Variants in MCF2 observed in about 807,000 individuals in gnomAD.
MCF2 encodes the protein MCF.2 cell line derived transforming sequence, also known as proto-oncogene DBL.
A neutral mutation model predicts 82.5 loss-of-function variants in MCF2; 44 were observed. The ratio of observed to expected loss-of-function variants is 0.53; its 90% CI spans 0.42 to 0.69. The LOEUF is 0.69. Ranked by LOEUF, MCF2 falls within the 30% of genes least tolerant of loss-of-function variation. MCF2 has a pLI of 0.00. For missense variants in MCF2, 623 were observed against 663.1 expected (o/e 0.94, Z 0.66); for synonymous variants, 217 against 224.9 (o/e 0.96, Z 0.32).
At chrX:139,588,274 C>T in intron 21 of MCF2, 86 bp downstream of exon 25, 1 of 646,847 alleles carries the variant, frequency 1.5e-6, no homozygotes, top group Non-Finnish European at 2.4e-6. Context: ...AATATCAGCC[C>T]CATTCTCTGG....
chrX:139,648,425 A>G (rs894018391), intron 2 of MCF2, among the ~76,000 whole-genome samples: 5 of 111,039 alleles, frequency 4.5e-5, no homozygotes, highest in Non-Finnish European at 3.8e-5. Context: ...ATGGAATCAC[A>G]ACAATACTCA....
chrX:139,682,847 G>C (rs905542773), intron 1 of MCF2, among the ~76,000 whole-genome samples: 5 of 112,459 alleles, frequency 4.4e-5, no homozygotes, highest in African/African-American at 1.6e-4. Context: ...CCTTGGGAGA[G>C]ATCAGGTTGA....
At chrX:139,585,847 T>G (rs1928903138) in intron 23 of MCF2, among the ~76,000 whole-genome samples, 1 of 112,503 alleles carries the variant, frequency 8.9e-6, no homozygotes, top group Non-Finnish European at 1.9e-5. Flanking sequence ...CAATATTTGT[T>G]GAATTAAATA....
chrX:139,691,893 G>A (rs986731769), intron 1 of MCF2: 1 of 1,147,013 alleles, frequency 8.7e-7, no homozygotes, highest in Non-Finnish European at 1.2e-6. Context: ...CGCCGGGGAG[G>A]AGATGAGAGG....
chrX:139,699,927 T>C (rs1935455290), intron 1 of MCF2, among the ~76,000 whole-genome samples: 1 of 112,363 alleles, frequency 8.9e-6, no homozygotes, highest in African/African-American at 3.2e-5. Flanking sequence ...ATTTTGAAAG[T>C]ATTCTCAGGA....
chrX:139,685,021 T>C (rs575606359), intron 1 of MCF2, among the ~76,000 whole-genome samples: 4 of 111,564 alleles, frequency 3.6e-5, no homozygotes, highest in African/African-American at 1.3e-4. Context: ...TAGGCTCTCA[T>C]ATATGACAAA....
intron 1 of MCF2, among the ~76,000 whole-genome samples, chrX:139,638,363 C>T (rs1026180625): frequency 9.0e-6 from 1 of 111,553 alleles, no homozygotes; most frequent in Non-Finnish European, 1.9e-5. Context: ...ACTTGAATGC[C>T]TACCATGTGT....
rs776023868 is a variant in MCF2 at position 139,613,202 on chromosome X, A to G, written c.1363+1679T>C. 2 of 1,118,481 alleles carry G rather than the reference A, an allele frequency of 1.8e-6. No individual in the cohort carries two copies. Among genetic ancestry groups the G allele is most frequent in the Non-Finnish European group, 2.4e-6 (2 of 835,609 alleles). The allele number at this position is 1,118,481 out of a possible 1,213,427, so 92.2% of individuals were successfully genotyped here. A position where few individuals can be genotyped will look rare whatever the true frequency, so the allele number is the denominator to read the frequency against. ...AAAATGTATTGGCAAAAGTAATATAATAAAGATGGGTACCTTTTGAAAAAA... is the reference window on the plus strand; with the variant it reads ...AAAATGTATTGGCAAAAGTAATATAGTAAAGATGGGTACCTTTTGAAAAAA... On this transcript the variant is annotated intron_variant, in intron 10 of 24. Coordinates refer to ENST00000370576, the Ensembl canonical transcript of MCF2.
chrX:139,605,538 G>T (rs1268548240), intron 13 of MCF2, among the ~76,000 whole-genome samples, 175 bp downstream of exon 17: 1 of 111,063 alleles, frequency 9.0e-6, no homozygotes, highest in Non-Finnish European at 1.9e-5. Context: ...GGGAGAGCCT[G>T]AATGTGCACG....
chrX:139,629,656 C>A lies in MCF2; in HGVS notation c.438+39G>T, dbSNP rs201746478. The A allele has an allele frequency of 1.5e-3, 1,729 of 1,172,577 alleles. 4 individuals are homozygous for A. Among genetic ancestry groups the A allele is most frequent in the Non-Finnish European group, 1.4e-3 (1,255 of 865,855 alleles). On this transcript the variant is annotated intron_variant, in intron 4 of 24. Coordinates refer to ENST00000370576, the Ensembl canonical transcript of MCF2. ...TAATAAACACCTCTCTAGATAAAGA[C>A]CATGGAAATCTTTTGTTTGTCAACT...
chrX:139,684,494 T>C (rs1486481284), intron 1 of MCF2, among the ~76,000 whole-genome samples: 1 of 111,465 alleles, frequency 9.0e-6, no homozygotes, highest in African/African-American at 3.3e-5. Context: ...CACAGGGAAA[T>C]GAAAACATAT....
chrX:139,633,394 A>G (rs181690168), intron 1 of MCF2, among the ~76,000 whole-genome samples: 485 of 112,229 alleles, frequency 4.3e-3, no homozygotes, highest in Non-Finnish European at 7.6e-3. Flanking sequence ...CAATATTATC[A>G]TAAATTCTTT....
chrX:139,591,558 T>C (rs779634133), intron 19 of MCF2, among the ~76,000 whole-genome samples: 9 of 111,092 alleles, frequency 8.1e-5, no homozygotes, highest in Non-Finnish European at 1.7e-4. Flanking sequence ...TGGTCAACTT[T>C]GACTTTAGAT....
At chrX:139,627,379 C>T (rs1487767621) in intron 4 of MCF2, among the ~76,000 whole-genome samples, 1 of 112,052 alleles carries the variant, frequency 8.9e-6, no homozygotes, top group East Asian at 2.8e-4. Context: ...TAATTGTTAC[C>T]AATCACTCCC....
chrX:139,614,128 G>A (rs1931707750), intron 10 of MCF2, among the ~76,000 whole-genome samples: 1 of 110,295 alleles, frequency 9.1e-6, no homozygotes, highest in Non-Finnish European at 1.9e-5. Flanking sequence ...TCTCCTCTAA[G>A]AAGCCCCAAA....
At chrX:139,617,588 A>C (rs1441616945) in exon 8 of MCF2, 1 of 1,203,219 alleles carries the variant, frequency 8.3e-7, no homozygotes, top group Non-Finnish European at 1.1e-6. Flanking sequence ...TAACCAAAAT[A>C]TCAGAAAGGT....
chrX:139,671,839 A>T (rs1307060116), intron 1 of MCF2, among the ~76,000 whole-genome samples: 1 of 111,701 alleles, frequency 9.0e-6, no homozygotes, highest in African/African-American at 3.3e-5. Context: ...AGTTTTTTCC[A>T]ATTCTGTGAA....
exon 1 of MCF2, chrX:139,642,596 G>A: frequency 8.4e-7 from 1 of 1,183,807 alleles, no homozygotes; most frequent in South Asian, 1.8e-5. Flanking sequence ...TTCTTGGGTA[G>A]TATTTAAAAA....
intron 1 of MCF2, 103 bp from the exon 2 acceptor site, chrX:139,651,891 C>T (rs1450244366): frequency 1.2e-4 from 57 of 482,619 alleles, no homozygotes; most frequent in Middle Eastern, 1.2e-3. Context: ...ATTCTGGGAG[C>T]CCCACAGGTC....
Sources: allele counts gnomAD v4.1 joint callset (sites outside exome capture counted in the v4.1 genomes callset), GRCh38; gene constraint gnomAD v4.1.1; transcripts MANE v1.5; gene names NCBI Gene and HGNC (gene_info 2026-07-23, HGNC 2026-07-21).